Variants in KCNMA1 observed in about 807,000 individuals in gnomAD.
The protein encoded by KCNMA1 is potassium calcium-activated channel subfamily M alpha 1, also known as Calcium-activated potassium channel subunit alpha-1.
A neutral mutation model predicts 140.0 loss-of-function variants in KCNMA1; 29 were observed. That is an observed-to-expected ratio of 0.21 (90% CI 0.15 to 0.28). KCNMA1 has a LOEUF of 0.28. Ranked by LOEUF, KCNMA1 falls within the 10% of genes least tolerant of loss-of-function variation. KCNMA1 has a pLI of 1.00. For missense variants in KCNMA1, 880 were observed against 1,602.2 expected (o/e 0.55, Z 7.70); for synonymous variants, 612 against 611.9 (o/e 1.00, Z 0.00).
chr10:77,414,283 C>G (rs552121305), intron 1 of KCNMA1, among the ~76,000 whole-genome samples: 3 of 152,194 alleles, frequency 2.0e-5, no homozygotes, highest in African/African-American at 7.2e-5. Flanking sequence ...TTCCCTCCCC[C>G]GGGAAATGCT....
intron 2 of KCNMA1, among the ~76,000 whole-genome samples, chr10:77,346,751 C>T (rs2092224972): frequency 6.6e-6 from 1 of 152,226 alleles, no homozygotes; most frequent in African/African-American, 2.4e-5. Flanking sequence ...GGGCCACCAT[C>T]TGTGGCAGAA....
At chr10:77,025,135 T>C (rs947747599) in intron 16 of KCNMA1, among the ~76,000 whole-genome samples, 8 of 150,738 alleles carry the variant, frequency 5.3e-5, no homozygotes, top group African/African-American at 1.7e-4. Context: ...CTTTCTTAGG[T>C]TTCCTGCAAA....
chr10:77,610,419 C>T (rs2154567928), intron 1 of KCNMA1, among the ~76,000 whole-genome samples: 1 of 152,382 alleles, frequency 6.6e-6, no homozygotes, highest in African/African-American at 2.4e-5. Context: ...TAGCTGCCCT[C>T]ACTGAGCCGC....
chr10:77,500,958 C>T (rs2043647822), intron 1 of KCNMA1, among the ~76,000 whole-genome samples: 2 of 152,172 alleles, frequency 1.3e-5, no homozygotes. Flanking sequence ...TTATTAAAAA[C>T]ACACATTCTC....
chr10:77,511,105 T>C (rs191580527), intron 1 of KCNMA1, among the ~76,000 whole-genome samples: 34 of 152,284 alleles, frequency 2.2e-4, no homozygotes, highest in Admixed American at 1.8e-3. Flanking sequence ...TCAAAATTCA[T>C]AGAGCATGAG....
At chr10:77,049,675 C>T (rs1290861738) in intron 14 of KCNMA1, among the ~76,000 whole-genome samples, 1 of 152,104 alleles carries the variant, frequency 6.6e-6, no homozygotes, top group Non-Finnish European at 1.5e-5. Flanking sequence ...GAAACAAGAA[C>T]AATTTTTCTA....
chr10:77,147,599 A>G (rs1326475053), intron 5 of KCNMA1: 1 of 152,226 alleles, frequency 6.6e-6, no homozygotes, highest in Admixed American at 6.5e-5. Flanking sequence ...CCCATGCAGG[A>G]CATTGGAGAC....
chr10:77,279,443 CAGA>C (rs1253698652), intron 2 of KCNMA1, among the ~76,000 whole-genome samples: 2 of 152,146 alleles, frequency 1.3e-5, no homozygotes, highest in East Asian at 3.9e-4. Flanking sequence ...GGACAAAGGG[CAGA>C]TTCATAACAC....
intron 2 of KCNMA1, among the ~76,000 whole-genome samples, chr10:77,333,451 A>T (rs1755665962): frequency 6.6e-6 from 1 of 152,146 alleles, no homozygotes; most frequent in East Asian, 1.9e-4. Flanking sequence ...GAAGAAAAGA[A>T]AAGAAAAGGA....
intron 5 of KCNMA1, among the ~76,000 whole-genome samples, chr10:77,181,916 A>T (rs914417350): frequency 5.4e-5 from 8 of 148,880 alleles, no homozygotes; most frequent in Admixed American, 4.7e-4. Context: ...GGACACATAC[A>T]TATATATATA....
chr10:76,948,925 T>C, intron 22 of KCNMA1: 1 of 609,868 alleles, frequency 1.6e-6, no homozygotes. Context: ...ACTTCATCCC[T>C]GATGAGGGAC....
At chr10:77,476,545 T>C (rs1463377108) in intron 1 of KCNMA1, among the ~76,000 whole-genome samples, 1 of 152,240 alleles carries the variant, frequency 6.6e-6, no homozygotes, top group African/African-American at 2.4e-5. Context: ...CATGCAGCTC[T>C]AACCCCAGGT....
chr10:77,064,172 G>A, intron 14 of KCNMA1: 3 of 941,086 alleles, frequency 3.2e-6, no homozygotes, highest in Non-Finnish European at 3.8e-6. Context: ...AATATTAGAT[G>A]AAAATATAAC....
intron 1 of KCNMA1, among the ~76,000 whole-genome samples, chr10:77,504,897 A>G (rs541330318): frequency 6.6e-6 from 1 of 152,354 alleles, no homozygotes; most frequent in African/African-American, 2.4e-5. Flanking sequence ...TTCTCCAGGA[A>G]AATGTGCCAT....
intron 2 of KCNMA1, among the ~76,000 whole-genome samples, chr10:77,336,874 T>A (rs1004108180): frequency 6.6e-5 from 10 of 152,130 alleles, no homozygotes; most frequent in African/African-American, 2.4e-4. Context: ...AAGGAACAAG[T>A]GTGATGGAGG....
chr10:76,986,857 T>C (rs1417330454), intron 19 of KCNMA1, among the ~76,000 whole-genome samples: 1 of 152,168 alleles, frequency 6.6e-6, no homozygotes, highest in Non-Finnish European at 1.5e-5. Flanking sequence ...CCAGATCCAC[T>C]ACAGAGCCCA....
intron 2 of KCNMA1, among the ~76,000 whole-genome samples, chr10:77,362,931 C>G (rs1230659782): frequency 6.6e-6 from 1 of 152,168 alleles, no homozygotes; most frequent in Non-Finnish European, 1.5e-5. Context: ...TTCAAAATGT[C>G]TATGGTCCCC....
At chr10:77,596,849 G>T (rs926318252) in intron 1 of KCNMA1, among the ~76,000 whole-genome samples, 1 of 152,154 alleles carries the variant, frequency 6.6e-6, no homozygotes, top group Non-Finnish European at 1.5e-5. Context: ...ATGCCAAAAG[G>T]CCACACACCT....
At chr10:76,883,916 A>C, downstream of KCNMA1, 1 of 724,968 alleles carries the variant, frequency 1.4e-6, no homozygotes, top group Non-Finnish European at 1.7e-6. Flanking sequence ...TGGCAAATAA[A>C]ATTGAAGTAG....
Sources: allele counts gnomAD v4.1 joint callset (sites outside exome capture counted in the v4.1 genomes callset), GRCh38; gene constraint gnomAD v4.1.1; transcripts MANE v1.5; gene names NCBI Gene and HGNC (gene_info 2026-07-23, HGNC 2026-07-21).